The following SHB variants were observed in gnomAD, a reference collection of about 807,000 sequenced individuals.
SHB encodes the protein SH2 domain-containing adapter protein B.
Under a neutral mutation model 52.3 loss-of-function variants are expected in SHB, and 20 were observed. The observed-to-expected ratio is 0.38, with a 90% CI of 0.27 to 0.56. The LOEUF (loss-of-function observed/expected upper bound fraction) is 0.56. Ranked by LOEUF, SHB falls within the 20% of genes least tolerant of loss-of-function variation. The pLI, the probability that SHB is intolerant of heterozygous loss-of-function variation, is 0.71. For missense variants in SHB, 825 were observed against 723.3 expected (o/e 1.14, Z -1.61); for synonymous variants, 397 against 316.5 (o/e 1.25, Z -2.70).
chr9:38,068,091 G>A lies in SHB; in HGVS notation c.555C>T (p.Leu185=), dbSNP rs1460059898. ...CGCCCGCGGCGCTCTCCACTTTGAT[G>A]AGGCGGTGCTTGGGGGAGATGTAGC... is the stretch of plus-strand genomic sequence containing the variant. The part of the protein sequence containing the change: ...EVRYISPKHR[L]IKVESAAGGG... The change falls in exon 1 of 6, where the codon CTC becomes CTT. Residue 185 remains leucine (L), a synonymous_variant. Transcript: ENST00000377707. 3.3e-6 allele frequency: 5 copies of A among 1,496,596 alleles called. No individual in the cohort carries two copies. Among genetic ancestry groups the A allele is most frequent in the African/African-American group, 1.5e-5 (1 of 68,692 alleles). The allele number at this position is 1,496,596 out of a possible 1,614,324, so 92.7% of individuals were successfully genotyped here. A position where few individuals can be genotyped will look rare whatever the true frequency, so the allele number is the denominator to read the frequency against.
chr9:38,044,238 G>C (rs146872699), intron 1 of SHB, among the ~76,000 whole-genome samples: 17 of 152,364 alleles, frequency 1.1e-4, no homozygotes, highest in African/African-American at 3.8e-4. Context: ...ATGTTGTGCA[G>C]ACGTCCCTCC....
chr9:37,928,831 T>A (rs1382237479), intron 5 of SHB, among the ~76,000 whole-genome samples: 1 of 152,208 alleles, frequency 6.6e-6, no homozygotes, highest in Non-Finnish European at 1.5e-5. Context: ...CCAGGCTGTT[T>A]CCAAGGACAG....
At chr9:37,927,954 T>C (rs1832270149) in intron 5 of SHB, among the ~76,000 whole-genome samples, 1 of 151,962 alleles carries the variant, frequency 6.6e-6, no homozygotes, top group Non-Finnish European at 1.5e-5. Context: ...TTCTCTCTTT[T>C]TTTTTTTTCT....
chr9:38,027,914 A>T lies in SHB; in HGVS notation c.718-11783T>A, dbSNP rs535779667. Among the ~76,000 whole-genome samples, 327 of 151,688 alleles carry T rather than the reference A, an allele frequency of 2.2e-3. 2 individuals carry two copies. The highest frequency in any genetic ancestry group is 1.2e-3 in the East Asian group (6 of 5,096). On this transcript the variant is annotated intron_variant, in intron 1 of 5. Coordinates refer to ENST00000377707, the MANE Select transcript of SHB (RefSeq NM_003028.3). ...GGGGGTGCCTCCTGGAGAGGGATGG[A>T]GCTGAGCCAAGAGGTCTCTTCTGGT... is the stretch of plus-strand genomic sequence containing the variant.
intron 2 of SHB, among the ~76,000 whole-genome samples, chr9:38,000,149 G>C (rs1820994088): frequency 1.3e-5 from 2 of 152,226 alleles, no homozygotes; most frequent in African/African-American, 4.8e-5. Flanking sequence ...AGGCAGTGGA[G>C]AGAGAAAAGA....
intron 2 of SHB, among the ~76,000 whole-genome samples, chr9:37,982,973 G>GCA (rs1554702664): frequency 1.4e-5 from 2 of 145,312 alleles, no homozygotes; most frequent in East Asian, 4.1e-4. Context: ...CCTCTCTGGT[G>GCA]CCCCCCCCTC....
intron 1 of SHB, among the ~76,000 whole-genome samples, chr9:38,052,599 T>C (rs1204461467): frequency 6.6e-6 from 1 of 152,204 alleles, no homozygotes; most frequent in Non-Finnish European, 1.5e-5. Flanking sequence ...AAGCATTCCA[T>C]GTCCTCCTAA....
intron 1 of SHB, among the ~76,000 whole-genome samples, chr9:38,047,515 G>A (rs927647051): frequency 3.9e-5 from 6 of 152,256 alleles, no homozygotes; most frequent in African/African-American, 1.2e-4. Flanking sequence ...TTAACAGAGG[G>A]GAAAACTGCA....
chr9:38,067,949 C>A lies in SHB; in HGVS notation c.697G>T (p.Gly233Trp). ...CTTACCTTGTCCTTCTTGCCGGCCC[C>A]GCTCTCCTCCGCGGCTGAGGCGGCG... is the stretch of plus-strand genomic sequence containing the variant. ...KCAASAAEESGAGKKDKVTIA... is the reference protein window; with the variant it reads ...KCAASAAEESWAGKKDKVTIA... The change falls in exon 1 of 6, where the codon GGG becomes TGG. Residue 233 changes from glycine to tryptophan, a missense_variant. By Grantham distance (184) the Gly-to-Trp change is radical. Coordinates refer to ENST00000377707, the MANE Select transcript of SHB (RefSeq NM_003028.3). 1 of 1,544,024 alleles carries A rather than the reference C, an allele frequency of 6.5e-7. No individual in the cohort carries two copies. Among genetic ancestry groups the A allele is most frequent in the Non-Finnish European group, 8.7e-7 (1 of 1,155,404 alleles).
At chr9:38,034,527 T>C in intron 1 of SHB, among the ~76,000 whole-genome samples, 1 of 152,238 alleles carries the variant, frequency 6.6e-6, no homozygotes, top group East Asian at 1.9e-4. Context: ...CTGATCATTC[T>C]TCCTGAAATT....
chr9:37,934,143 T>G (rs776023), intron 5 of SHB, among the ~76,000 whole-genome samples: 14 of 151,958 alleles, frequency 9.2e-5, no homozygotes, highest in East Asian at 5.8e-4. Flanking sequence ...TGAGCTTCGG[T>G]TGAACTCCTT....
chr9:37,964,215 G>A (rs1429937615), intron 3 of SHB, among the ~76,000 whole-genome samples: 1 of 152,224 alleles, frequency 6.6e-6, no homozygotes, highest in Non-Finnish European at 1.5e-5. Flanking sequence ...AGGTGCCTGA[G>A]AACAGAGGTC....
chr9:38,047,862 G>A (rs1448302614), intron 1 of SHB, among the ~76,000 whole-genome samples: 1 of 152,232 alleles, frequency 6.6e-6, no homozygotes, highest in Non-Finnish European at 1.5e-5. Context: ...CCTTGCCCGA[G>A]CTAACGCTGT....
chr9:37,942,393 CT>C (rs1832444783), intron 5 of SHB, among the ~76,000 whole-genome samples: 1 of 152,238 alleles, frequency 6.6e-6, no homozygotes, highest in Non-Finnish European at 1.5e-5. Context: ...AACCCTTAAA[CT>C]GGAAGCAAGT....
At chr9:37,929,826 G>A (rs1011700098) in intron 5 of SHB, among the ~76,000 whole-genome samples, 2 of 152,244 alleles carry the variant, frequency 1.3e-5, no homozygotes, top group Admixed American at 6.5e-5. Context: ...AAAGGAAGCT[G>A]GGCGTGGTGA....
At chr9:38,034,696 T>C (rs1324505716) in intron 1 of SHB, among the ~76,000 whole-genome samples, 4 of 152,192 alleles carry the variant, frequency 2.6e-5, no homozygotes, top group Non-Finnish European at 5.9e-5. Context: ...TTTTGGTTTG[T>C]TCATTTGTTT....
At chr9:37,991,713 C>T (rs1027982437) in intron 2 of SHB, among the ~76,000 whole-genome samples, 1 of 152,194 alleles carries the variant, frequency 6.6e-6, no homozygotes, top group Non-Finnish European at 1.5e-5. Context: ...AAGCTTGATA[C>T]CCTCTAAGTC....
Position 38,039,992 on chromosome 9 carries a change from C to T in SHB, c.718-23861G>A, listed in dbSNP as rs185286397. ...GTTCTGAAACTGCATTCTAGAGCTG[C>T]GCCCCAGGCGTGTTTACAGCCGCCT... On this transcript the variant is annotated intron_variant, in intron 1 of 5. Coordinates refer to ENST00000377707, the MANE Select transcript of SHB (RefSeq NM_003028.3). Among the ~76,000 whole-genome samples, 11 of 152,384 alleles carry T rather than the reference C, an allele frequency of 7.2e-5. No homozygotes were observed. In the East Asian group the frequency reaches 1.4e-3, roughly 19 times the overall value.
At chr9:38,067,842 G>A in intron 1 of SHB, 87 bp downstream of exon 1, 1 of 1,328,430 alleles carries the variant, frequency 7.5e-7, no homozygotes, top group Non-Finnish European at 9.7e-7. Context: ...CTGAAGTAGA[G>A]ACTCAACACC....
Sources: gnomAD v4.1 joint callset for allele counts (sites outside exome capture counted in the v4.1 genomes callset) on GRCh38, gnomAD v4.1.1 for gene constraint, MANE v1.5 for transcripts, NCBI Gene and HGNC (gene_info 2026-07-23, HGNC 2026-07-21) for gene names.